LRRC37A2: variants seen among roughly 807,000 people sequenced by gnomAD.
LRRC37A2 encodes the protein leucine-rich repeat-containing protein 37A2.
Under a neutral mutation model 68.8 loss-of-function variants are expected in LRRC37A2, and 9 were observed. The ratio of observed to expected loss-of-function variants is 0.13; its 90% confidence interval spans 0.08 to 0.23. The LOEUF (loss-of-function observed/expected upper bound fraction) is 0.23, where lower values mean the gene tolerates loss of function less well. Ranked by LOEUF, LRRC37A2 falls within the 10% of genes least tolerant of loss-of-function variation. The pLI, the probability that LRRC37A2 is intolerant of heterozygous loss-of-function variation, is 1.00. For missense variants in LRRC37A2, 168 were observed against 950.4 expected (o/e 0.18, Z 10.82); for synonymous variants, 63 against 367.6 (o/e 0.17, Z 9.48).
At chr17:46,775,602 A>G in the LRRC37A2 span, among the ~76,000 whole-genome samples, 1 of 149,484 alleles carries the variant, frequency 6.7e-6, no homozygotes, top group African/African-American at 2.5e-5. Context: ...AGCAGCAGCC[A>G]GAAGTTCTTT....
chr17:47,030,085 AATAATC>A, the LRRC37A2 span, among the ~76,000 whole-genome samples: 3,646 of 49,344 alleles, frequency 0.074, 94 homozygotes, highest in South Asian at 0.18. Flanking sequence ...TAATAATAAT[AATAATC>A]ATCATCATCA....
At chr17:46,857,130 T>C in the LRRC37A2 span, among the ~76,000 whole-genome samples, 3 of 152,194 alleles carry the variant, frequency 2.0e-5, no homozygotes, top group Admixed American at 2.0e-4. Context: ...TTCCTTTGTA[T>C]GGCTATACCA....
the LRRC37A2 span, among the ~76,000 whole-genome samples, chr17:46,918,075 TTTTG>T: frequency 0.016 from 2,464 of 152,200 alleles, 60 homozygotes; most frequent in African/African-American, 0.056. Context: ...TATAACACAG[TTTTG>T]TTTGTTTGTT....
the LRRC37A2 span, among the ~76,000 whole-genome samples, chr17:46,589,340 A>ATT: frequency 2.9e-4 from 23 of 78,672 alleles, no homozygotes; most frequent in Middle Eastern, 0.021. Flanking sequence ...ATAGGCGTGA[A>ATT]TTTTTTTTTT....
chr17:46,746,285 T>G, the LRRC37A2 span, among the ~76,000 whole-genome samples: 1 of 152,266 alleles, frequency 6.6e-6, no homozygotes, highest in African/African-American at 2.4e-5. Context: ...CGCAGTCATC[T>G]GTTAAGCTAA....
chr17:46,818,508 C>A, the LRRC37A2 span: 1 of 1,602,822 alleles, frequency 6.2e-7, no homozygotes, highest in Non-Finnish European at 8.5e-7. Flanking sequence ...AGACAAGAGG[C>A]GAGTCTTACC....
chr17:46,868,322 T>C, the LRRC37A2 span, among the ~76,000 whole-genome samples: 3 of 152,228 alleles, frequency 2.0e-5, no homozygotes, highest in African/African-American at 7.2e-5. Flanking sequence ...CTGGGCGTGG[T>C]GGCTCATGCC....
the LRRC37A2 span, chr17:46,876,279 G>T: frequency 3.7e-6 from 6 of 1,613,740 alleles, no homozygotes; most frequent in Non-Finnish European, 4.2e-6. Flanking sequence ...ACGTGTAAGT[G>T]CCATGGCGTA....
the LRRC37A2 span, among the ~76,000 whole-genome samples, chr17:46,790,529 G>A: frequency 2.0e-5 from 3 of 152,002 alleles, no homozygotes; most frequent in Admixed American, 6.6e-5. Flanking sequence ...CCCACCCTGG[G>A]TCCACAGCTG....
At chr17:46,888,571 CA>C in the LRRC37A2 span, among the ~76,000 whole-genome samples, 1 of 152,064 alleles carries the variant, frequency 6.6e-6, no homozygotes, top group African/African-American at 2.4e-5. Flanking sequence ...TACAGGAGGG[CA>C]GAAAGAAGTT....
chr17:46,976,774 A>G, the LRRC37A2 span, among the ~76,000 whole-genome samples: 3 of 151,640 alleles, frequency 2.0e-5, no homozygotes, highest in African/African-American at 4.9e-5. Context: ...TGCATTCCCC[A>G]AACCACTGAG....
chr17:46,895,225 C>T, the LRRC37A2 span, among the ~76,000 whole-genome samples: 59 of 152,354 alleles, frequency 3.9e-4, no homozygotes, highest in African/African-American at 8.9e-4. Flanking sequence ...CCGGTCAGTG[C>T]GGAGGCTGCT....
At chr17:47,036,689 ATTGAT>A in the LRRC37A2 span, among the ~76,000 whole-genome samples, 1 of 150,196 alleles carries the variant, frequency 6.7e-6, no homozygotes, top group South Asian at 2.1e-4. Flanking sequence ...ATTCTATTCT[ATTGAT>A]TTATTTGTCT....
At chr17:46,870,064 T>G in the LRRC37A2 span, among the ~76,000 whole-genome samples, 1 of 152,166 alleles carries the variant, frequency 6.6e-6, no homozygotes, top group Non-Finnish European at 1.5e-5. Context: ...GATATAATAA[T>G]CATAGCTATT....
the LRRC37A2 span, among the ~76,000 whole-genome samples, chr17:46,494,924 T>C: frequency 6.6e-6 from 1 of 151,124 alleles, no homozygotes; most frequent in South Asian, 2.1e-4. Flanking sequence ...ACGTATTCCT[T>C]CTATCTTGCT....
the LRRC37A2 span, among the ~76,000 whole-genome samples, chr17:47,029,669 G>T: frequency 1.2e-4 from 19 of 152,284 alleles, no homozygotes; most frequent in African/African-American, 4.3e-4. Context: ...TCACACCAGA[G>T]AACAGGCTCA....
At chr17:46,605,652 A>G in the LRRC37A2 span, among the ~76,000 whole-genome samples, 3 of 65,162 alleles carry the variant, frequency 4.6e-5, no homozygotes, top group African/African-American at 2.1e-4. Flanking sequence ...ACAGACAAAC[A>G]CTCAATGTTG....
At chr17:47,021,145 A>G in the LRRC37A2 span, among the ~76,000 whole-genome samples, 19 of 152,352 alleles carry the variant, frequency 1.2e-4, no homozygotes, top group African/African-American at 3.1e-4. Context: ...AAGTTACACA[A>G]TGAGGTATGG....
At chr17:47,013,966 CACAT>C in the LRRC37A2 span, among the ~76,000 whole-genome samples, 2 of 152,234 alleles carry the variant, frequency 1.3e-5, no homozygotes, top group African/African-American at 4.8e-5. Flanking sequence ...GAAATGGTGG[CACAT>C]GCATCCCAGC....
Sources: gnomAD v4.1 joint callset for allele counts (sites outside exome capture counted in the v4.1 genomes callset) on GRCh38, gnomAD v4.1.1 for gene constraint, MANE v1.5 for transcripts, NCBI Gene and HGNC (gene_info 2026-07-23, HGNC 2026-07-21) for gene names.